SCHIP1: variants seen among roughly 807,000 people sequenced by gnomAD.
SCHIP1 encodes schwannomin-interacting protein 1.
Under a neutral mutation model 29.7 loss-of-function variants are expected in SCHIP1, and 8 were observed. The observed-to-expected ratio is 0.27, with a 90% CI of 0.16 to 0.49. The LOEUF (loss-of-function observed/expected upper bound fraction) is 0.49. Ranked by LOEUF, SCHIP1 falls within the 20% of genes least tolerant of loss-of-function variation. The pLI is 0.99. For synonymous variants in SCHIP1, 76 were observed against 94.9 expected (o/e 0.80, Z 1.16); for missense variants, 193 against 294.6 (o/e 0.66, Z 2.52).
the SCHIP1 span, among the ~76,000 whole-genome samples, chr3:159,382,530 C>G: frequency 6.6e-6 from 1 of 152,070 alleles, no homozygotes; most frequent in African/African-American, 2.4e-5. Flanking sequence ...GGGTTGGTCC[C>G]AAGTTTTGCT....
chr3:159,796,372 G>A, the SCHIP1 span, among the ~76,000 whole-genome samples: 3 of 152,068 alleles, frequency 2.0e-5, no homozygotes, highest in East Asian at 3.9e-4. Context: ...TTGAGGAATC[G>A]GAGGAGTGTT....
the SCHIP1 span, among the ~76,000 whole-genome samples, chr3:159,287,978 T>A: frequency 6.6e-6 from 1 of 152,328 alleles, no homozygotes; most frequent in Non-Finnish European, 1.5e-5. Context: ...TTTCAGAACA[T>A]AATATACTTG....
At chr3:159,655,560 T>C in the SCHIP1 span, among the ~76,000 whole-genome samples, 1 of 152,064 alleles carries the variant, frequency 6.6e-6, no homozygotes, top group Non-Finnish European at 1.5e-5. Context: ...GAGATAGGAA[T>C]GTTACCAAGA....
At chr3:159,399,370 A>C in the SCHIP1 span, among the ~76,000 whole-genome samples, 1 of 152,106 alleles carries the variant, frequency 6.6e-6, no homozygotes, top group Admixed American at 6.5e-5. Context: ...TTTATTGCTT[A>C]TTATGTCTCT....
At chr3:159,694,860 T>C in the SCHIP1 span, among the ~76,000 whole-genome samples, 5 of 152,202 alleles carry the variant, frequency 3.3e-5, no homozygotes, top group African/African-American at 9.7e-5. Context: ...AATTACCTTA[T>C]GATTCTCAAT....
the SCHIP1 span, among the ~76,000 whole-genome samples, chr3:159,422,428 T>C: frequency 6.6e-6 from 1 of 152,324 alleles, no homozygotes; most frequent in East Asian, 1.9e-4. Context: ...AAACTAATAT[T>C]AGTGAATCAA....
the SCHIP1 span, among the ~76,000 whole-genome samples, chr3:159,566,314 C>T: frequency 6.6e-6 from 1 of 152,172 alleles, no homozygotes; most frequent in African/African-American, 2.4e-5. Flanking sequence ...CTGTCATAAA[C>T]ATTTTATGCA....
chr3:159,549,207 T>C, the SCHIP1 span, among the ~76,000 whole-genome samples: 1 of 152,150 alleles, frequency 6.6e-6, no homozygotes, highest in Non-Finnish European at 1.5e-5. Context: ...ATTTGAGACT[T>C]CCCCATTCAG....
chr3:159,306,610 CTCACTACTT>C, the SCHIP1 span: 1 of 907,470 alleles, frequency 1.1e-6, no homozygotes, highest in Non-Finnish European at 1.3e-6. Context: ...ATACAAACAC[CTCACTACTT>C]TAGCCTTCTT....
chr3:159,428,045 C>G, the SCHIP1 span, among the ~76,000 whole-genome samples: 1 of 152,132 alleles, frequency 6.6e-6, no homozygotes, highest in Non-Finnish European at 1.5e-5. Flanking sequence ...AAAATTAATT[C>G]AAGATGGATT....
the SCHIP1 span, among the ~76,000 whole-genome samples, chr3:159,464,615 A>C: frequency 1.3e-5 from 2 of 152,156 alleles, no homozygotes; most frequent in Non-Finnish European, 2.9e-5. Flanking sequence ...AAATCCCTTC[A>C]TGCTTTTATC....
At chr3:159,592,160 A>T in the SCHIP1 span, among the ~76,000 whole-genome samples, 1 of 152,054 alleles carries the variant, frequency 6.6e-6, no homozygotes, top group Non-Finnish European at 1.5e-5. Context: ...GTTGCCTTGT[A>T]TGGGTTCTAC....
At chr3:159,740,771 GAAAAAA>G in the SCHIP1 span, among the ~76,000 whole-genome samples, 5 of 104,912 alleles carry the variant, frequency 4.8e-5, no homozygotes, top group East Asian at 2.9e-4. Context: ...CAAAAAAAAA[GAAAAAA>G]AAAAAAAAAA....
the SCHIP1 span, among the ~76,000 whole-genome samples, chr3:159,591,448 A>G: frequency 6.6e-6 from 1 of 152,164 alleles, no homozygotes; most frequent in Admixed American, 6.6e-5. Flanking sequence ...AAATCATGCT[A>G]CTATAAAGAC....
chr3:159,396,781 A>G, the SCHIP1 span, among the ~76,000 whole-genome samples: 1 of 151,854 alleles, frequency 6.6e-6, no homozygotes, highest in Non-Finnish European at 1.5e-5. Context: ...ACTTTGGTGA[A>G]TCTGACAATT....
the SCHIP1 span, among the ~76,000 whole-genome samples, chr3:159,309,548 G>A: frequency 6.6e-6 from 1 of 152,044 alleles, no homozygotes; most frequent in Non-Finnish European, 1.5e-5. Context: ...TGATGATAAC[G>A]ATGGTGTTGC....
the SCHIP1 span, among the ~76,000 whole-genome samples, chr3:159,635,177 C>G: frequency 5.9e-5 from 9 of 152,158 alleles, no homozygotes; most frequent in Admixed American, 5.9e-4. Context: ...AACCTGTTCT[C>G]TTTGTATCAT....
At chr3:159,756,187 T>C in the SCHIP1 span, among the ~76,000 whole-genome samples, 1 of 152,224 alleles carries the variant, frequency 6.6e-6, no homozygotes, top group South Asian at 2.1e-4. Context: ...ATAGCAGAGA[T>C]TCTCCATGAG....
At chr3:159,347,925 G>T in the SCHIP1 span, among the ~76,000 whole-genome samples, 1 of 152,138 alleles carries the variant, frequency 6.6e-6, no homozygotes, top group African/African-American at 2.4e-5. Context: ...AATTTGAAAA[G>T]AGGAAATTAT....
Sources: allele counts gnomAD v4.1 joint callset (sites outside exome capture counted in the v4.1 genomes callset), GRCh38; gene constraint gnomAD v4.1.1; transcripts MANE v1.5; gene names NCBI Gene and HGNC (gene_info 2026-07-23, HGNC 2026-07-21).